The following SORCS3 variants were observed in gnomAD, a reference collection of about 807,000 sequenced individuals.
SORCS3 encodes VPS10 domain-containing receptor SorCS3.
In SORCS3, 57 loss-of-function variants were observed where a neutral mutation model predicts 146.3. That is an observed-to-expected ratio of 0.39 (90% CI 0.31 to 0.49). The LOEUF (loss-of-function observed/expected upper bound fraction) is 0.49, where lower values mean the gene tolerates loss of function less well. Ranked by LOEUF, SORCS3 falls within the 20% of genes least tolerant of loss-of-function variation. The pLI is 0.92. For missense variants in SORCS3, 1,341 were observed against 1,575.5 expected (o/e 0.85, Z 2.52); for synonymous variants, 653 against 618.5 (o/e 1.06, Z -0.83).
intron 4 of SORCS3, among the ~76,000 whole-genome samples, chr10:104,982,072 A>G (rs1043899975): frequency 1.3e-5 from 2 of 152,148 alleles, no homozygotes; most frequent in Non-Finnish European, 2.9e-5. Flanking sequence ...GCATGCAGCT[A>G]AGGATTTTTG....
chr10:105,144,287 T>C (rs2056115356), intron 8 of SORCS3, among the ~76,000 whole-genome samples: 1 of 152,148 alleles, frequency 6.6e-6, no homozygotes, highest in East Asian at 1.9e-4. Context: ...ACCTCTATCA[T>C]AGCACTTAGT....
At chr10:105,200,245 A>G in intron 15 of SORCS3, 129 bp downstream of exon 15, 1 of 704,980 alleles carries the variant, frequency 1.4e-6, no homozygotes, top group Admixed American at 2.4e-5. Flanking sequence ...GTGGGTGTGG[A>G]TTTGGAGAAA....
intron 2 of SORCS3, among the ~76,000 whole-genome samples, chr10:104,887,959 C>CGGGGGGGG (rs1212866137): frequency 1.5e-4 from 1 of 6,586 alleles, no homozygotes; most frequent in Non-Finnish European, 4.1e-4. Flanking sequence ...ATGGTGGGGG[C>CGGGGGGGG]GGGGGGGCGG....
Position 104,744,657 on chromosome 10 carries a change from A to G in SORCS3, c.628-98135A>G, listed in dbSNP as rs982609237. On this transcript the variant is annotated intron_variant, in intron 1 of 26. Transcript: ENST00000369701. ...TTCTAAAGCCCATGCTTTTAACCCC[A>G]AAACCTAATTTCCTCCCACACTGAT... Among the ~76,000 whole-genome samples the G allele has an allele frequency of 5.3e-5, 8 of 152,222 alleles. No individual in the cohort carries two copies. The East Asian group carries it at 5.8e-4, about 11-fold the overall frequency.
chr10:104,807,478 GA>G (rs1366026586), intron 1 of SORCS3, among the ~76,000 whole-genome samples: 3 of 151,664 alleles, frequency 2.0e-5, no homozygotes, highest in Non-Finnish European at 4.4e-5. Context: ...AGACAAACAT[GA>G]ACTATCAGGG....
intron 25 of SORCS3, among the ~76,000 whole-genome samples, chr10:105,260,246 C>T (rs1235194285): frequency 1.3e-5 from 2 of 152,152 alleles, no homozygotes; most frequent in African/African-American, 4.8e-5. Context: ...CTGGTTACAA[C>T]TGTGAAGTAC....
chr10:104,834,351 C>A (rs1204569515), intron 1 of SORCS3, among the ~76,000 whole-genome samples: 1 of 152,170 alleles, frequency 6.6e-6, no homozygotes, highest in Non-Finnish European at 1.5e-5. Context: ...TCCCTCACCT[C>A]CCCTCCAGCT....
At chr10:105,212,579 A>C (rs1243047690) in intron 17 of SORCS3, among the ~76,000 whole-genome samples, 2 of 152,238 alleles carry the variant, frequency 1.3e-5, no homozygotes, top group Non-Finnish European at 2.9e-5. Flanking sequence ...CAACTTAGTT[A>C]TGCCAAAATC....
intron 1 of SORCS3, among the ~76,000 whole-genome samples, chr10:104,724,968 T>C (rs546968369): frequency 7.9e-5 from 12 of 152,358 alleles, no homozygotes; most frequent in Admixed American, 5.2e-4. Flanking sequence ...AGCCTTCTTC[T>C]CTCAACTCGT....
At chr10:104,858,011 C>T (rs1460031893) in intron 2 of SORCS3, among the ~76,000 whole-genome samples, 9 of 152,170 alleles carry the variant, frequency 5.9e-5, no homozygotes, top group African/African-American at 1.9e-4. Context: ...GCATCCTCTT[C>T]AAACACATCT....
chr10:104,651,402 AATAGGCTATTTTAACAT>A (rs2015556510), intron 1 of SORCS3, among the ~76,000 whole-genome samples: 2 of 152,140 alleles, frequency 1.3e-5, no homozygotes, highest in African/African-American at 2.4e-5. Flanking sequence ...GGCCTAGCAT[AATAGGCTATTTTAACAT>A]AAGAATGTTA....
chr10:104,757,067 T>A (rs2130521), intron 1 of SORCS3, among the ~76,000 whole-genome samples: 658 of 3,446 alleles, frequency 0.19, 5 homozygotes, highest in African/African-American at 0.32. Context: ...AAGTTAAGGG[T>A]TTTTTTTTTT....
chr10:104,833,459 G>A (rs942875172), intron 1 of SORCS3, among the ~76,000 whole-genome samples: 3 of 152,118 alleles, frequency 2.0e-5, no homozygotes, highest in African/African-American at 7.2e-5. Context: ...CTATACAGGA[G>A]CCCACAGAGC....
chr10:104,693,594 C>T (rs764111208), intron 1 of SORCS3, among the ~76,000 whole-genome samples: 2 of 152,116 alleles, frequency 1.3e-5, no homozygotes, highest in Non-Finnish European at 2.9e-5. Flanking sequence ...TGACTCCATA[C>T]GGACACAGTG....
rs765399382 is a variant in SORCS3 at position 104,762,533 on chromosome 10, A to G, written c.628-80259A>G. The stretch of plus-strand genomic sequence containing the variant: ...CAGTGTTGCTTAACTCTGACTTCAC[A>G]TTAGAAACGCTTGGTGATATGGTTT... On this transcript the variant is annotated intron_variant, in intron 1 of 26. Coordinates refer to ENST00000369701, the MANE Select transcript of SORCS3 (RefSeq NM_014978.3). Among the ~76,000 whole-genome samples the G allele has an allele frequency of 1.2e-4, 19 of 152,108 alleles. 1 individual carries two copies. The highest frequency in any genetic ancestry group is 2.8e-4 in the Non-Finnish European group (19 of 68,008).
intron 3 of SORCS3, among the ~76,000 whole-genome samples, chr10:104,951,423 C>A (rs2019427768): frequency 6.6e-6 from 1 of 152,074 alleles, no homozygotes; most frequent in Non-Finnish European, 1.5e-5. Context: ...ACCTCTAGCT[C>A]CTGGGCCCAA....
chr10:104,849,509 T>C (rs1470914272), intron 2 of SORCS3, among the ~76,000 whole-genome samples: 1 of 151,500 alleles, frequency 6.6e-6, no homozygotes, highest in Non-Finnish European at 1.5e-5. Context: ...GTGGCATATA[T>C]AGTGTTTAAA....
At chr10:104,992,223 C>G (rs909287451) in intron 4 of SORCS3, among the ~76,000 whole-genome samples, 1 of 152,060 alleles carries the variant, frequency 6.6e-6, no homozygotes, top group African/African-American at 2.4e-5. Context: ...CAGGAAGATT[C>G]CAAGCTGGTC....
chr10:104,861,052 G>T (rs956265474), intron 2 of SORCS3, among the ~76,000 whole-genome samples: 1 of 152,162 alleles, frequency 6.6e-6, no homozygotes, highest in South Asian at 2.1e-4. Flanking sequence ...GCCTGTTCTG[G>T]TTTCATCAAG....
Sources: gnomAD v4.1 joint callset for allele counts (sites outside exome capture counted in the v4.1 genomes callset) on GRCh38, gnomAD v4.1.1 for gene constraint, MANE v1.5 for transcripts, NCBI Gene and HGNC (gene_info 2026-07-23, HGNC 2026-07-21) for gene names.